RBMS3: variants seen among roughly 807,000 people sequenced by gnomAD.
RBMS3 encodes the protein RNA-binding motif, single-stranded-interacting protein 3.
RBMS3 carries 27 observed loss-of-function variants against 66.8 expected under a neutral mutation model. The ratio of observed to expected loss-of-function variants is 0.40; its 90% CI spans 0.30 to 0.56. The LOEUF is 0.56. Ranked by LOEUF, RBMS3 falls within the 20% of genes least tolerant of loss-of-function variation. The pLI is 0.40. For synonymous variants in RBMS3, 188 were observed against 183.0 expected, an observed-to-expected ratio of 1.03 and a Z score of -0.22; for missense variants, 513 against 549.5, an observed-to-expected ratio of 0.93 and a Z score of 0.66.
chr3:29,838,715 A>G (rs915164794), intron 6 of RBMS3, among the ~76,000 whole-genome samples: 84 of 152,140 alleles, frequency 5.5e-4, no homozygotes, highest in Middle Eastern at 3.2e-3. Flanking sequence ...CAATTTATTA[A>G]TCTTTCTTTT....
chr3:29,527,148 C>A (rs1241997935), intron 3 of RBMS3, among the ~76,000 whole-genome samples: 1 of 104,568 alleles, frequency 9.6e-6, no homozygotes, highest in Non-Finnish European at 1.8e-5. Flanking sequence ...CAACGAGTGA[C>A]AATAGGGTTT....
chr3:29,434,046 TC>T (rs1559357927), intron 1 of RBMS3, among the ~76,000 whole-genome samples: 1 of 152,164 alleles, frequency 6.6e-6, no homozygotes. Context: ...CAAATAATTA[TC>T]CTGTCCAGAT....
chr3:29,777,075 T>C (rs541441088), intron 6 of RBMS3, among the ~76,000 whole-genome samples: 101 of 151,994 alleles, frequency 6.6e-4, no homozygotes, highest in Non-Finnish European at 1.3e-3. Flanking sequence ...CAGCATATCA[T>C]TGCACCTCTA....
chr3:29,371,392 T>C (rs942116605), intron 1 of RBMS3, among the ~76,000 whole-genome samples: 2 of 152,208 alleles, frequency 1.3e-5, no homozygotes, highest in Non-Finnish European at 2.9e-5. Context: ...ATGTACTTGA[T>C]GGTCCAGACA....
chr3:29,613,233 C>A (rs991025579), intron 4 of RBMS3, among the ~76,000 whole-genome samples: 1 of 152,104 alleles, frequency 6.6e-6, no homozygotes, highest in Non-Finnish European at 1.5e-5. Flanking sequence ...TATGTTAGTT[C>A]TGTTTTTAAT....
At chr3:29,295,294 T>C (rs368108868) in intron 1 of RBMS3, among the ~76,000 whole-genome samples, 366 of 3,784 alleles carry the variant, frequency 0.097, 1 homozygote, top group African/African-American at 0.18. Context: ...TATATATATA[T>C]ACATATATAT....
At chr3:29,489,310 A>C (rs1322367904) in intron 3 of RBMS3, among the ~76,000 whole-genome samples, 2 of 152,150 alleles carry the variant, frequency 1.3e-5, no homozygotes, top group Non-Finnish European at 2.9e-5. Flanking sequence ...GAACACTCAG[A>C]AACTCCTGTA....
At chr3:29,530,504 A>C (rs1463686434) in intron 3 of RBMS3, among the ~76,000 whole-genome samples, 5 of 152,130 alleles carry the variant, frequency 3.3e-5, no homozygotes, top group African/African-American at 1.2e-4. Context: ...TTTTGATAGC[A>C]CGTATGTAAA....
intron 3 of RBMS3, among the ~76,000 whole-genome samples, chr3:29,524,016 G>A (rs892173478): frequency 1.3e-5 from 2 of 152,088 alleles, no homozygotes; most frequent in Admixed American, 6.6e-5. Context: ...GAGATTATGG[G>A]TATGAGCCCC....
At chr3:29,684,446 A>T (rs974270492) in intron 4 of RBMS3, among the ~76,000 whole-genome samples, 2 of 152,216 alleles carry the variant, frequency 1.3e-5, no homozygotes, top group African/African-American at 4.8e-5. Flanking sequence ...GTTTTACCAC[A>T]TGGCTGTATC....
chr3:29,375,008 A>G (rs1471053532), intron 1 of RBMS3, among the ~76,000 whole-genome samples: 2 of 152,230 alleles, frequency 1.3e-5, no homozygotes, highest in African/African-American at 4.8e-5. Context: ...GTACAAGAAC[A>G]GAAACATAGA....
chr3:29,392,838 GATC>G (rs777673665), intron 1 of RBMS3, among the ~76,000 whole-genome samples: 1 of 151,746 alleles, frequency 6.6e-6, no homozygotes, highest in East Asian at 1.9e-4. Flanking sequence ...GGTGAAAAGA[GATC>G]ATGCCAGTCA....
intron 6 of RBMS3, among the ~76,000 whole-genome samples, chr3:29,774,419 C>A (rs1183321809): frequency 6.6e-6 from 1 of 151,852 alleles, no homozygotes; most frequent in Non-Finnish European, 1.5e-5. Context: ...TAATAAAGGT[C>A]CATTCAAAAG....
intron 10 of RBMS3, among the ~76,000 whole-genome samples, chr3:29,917,947 A>T (rs2060680598): frequency 6.6e-6 from 1 of 152,120 alleles, no homozygotes; most frequent in African/African-American, 2.4e-5. Context: ...TTCACTCTGC[A>T]TTTTCATGAG....
At chr3:29,743,366 A>T (rs1001995888) in intron 5 of RBMS3, among the ~76,000 whole-genome samples, 4 of 152,232 alleles carry the variant, frequency 2.6e-5, no homozygotes, top group Non-Finnish European at 5.9e-5. Flanking sequence ...TGATTCTTCC[A>T]AGAATAGCAC....
intron 1 of RBMS3, among the ~76,000 whole-genome samples, chr3:29,375,878 A>G (rs1423593041): frequency 6.6e-6 from 1 of 152,226 alleles, no homozygotes; most frequent in African/African-American, 2.4e-5. Context: ...AAATCATTCT[A>G]TTATAAAGAT....
intron 6 of RBMS3, among the ~76,000 whole-genome samples, chr3:29,864,965 G>C (rs1181405877): frequency 8.4e-6 from 1 of 119,170 alleles, no homozygotes; most frequent in Non-Finnish European, 1.7e-5. Flanking sequence ...AGGAAGAAAG[G>C]AAGGAAGGGA....
chr3:29,332,503 T>C (rs2125517470), intron 1 of RBMS3, among the ~76,000 whole-genome samples: 1 of 152,140 alleles, frequency 6.6e-6, no homozygotes, highest in East Asian at 1.9e-4. Flanking sequence ...CTGAATATAA[T>C]GTGGAATTAC....
chr3:29,492,993 CTAGT>C (rs1318808794), intron 3 of RBMS3, among the ~76,000 whole-genome samples: 2 of 152,128 alleles, frequency 1.3e-5, no homozygotes, highest in Admixed American at 6.6e-5. Context: ...ACAGTTGAAA[CTAGT>C]TAGTCTGTTG....
Sources: gnomAD v4.1 joint callset for allele counts (sites outside exome capture counted in the v4.1 genomes callset) on GRCh38, gnomAD v4.1.1 for gene constraint, MANE v1.5 for transcripts, NCBI Gene and HGNC (gene_info 2026-07-23, HGNC 2026-07-21) for gene names.